Variants in TENM2 observed in about 807,000 individuals in gnomAD.
TENM2 encodes the protein teneurin-2.
TENM2 carries 52 observed loss-of-function variants against 245.2 expected under a neutral mutation model. That is an observed-to-expected ratio of 0.21 (90% CI 0.17 to 0.27). The LOEUF (loss-of-function observed/expected upper bound fraction) is 0.27, where lower values mean the gene tolerates loss of function less well. TENM2 is among the 10% of genes least tolerant of loss of function. The pLI is 1.00. For synonymous variants in TENM2, 1,363 were observed against 1,438.9 expected (o/e 0.95, Z 1.19); for missense variants, 3,046 against 3,666.8 (o/e 0.83, Z 4.37).
At chr5:167,398,476 G>A (rs1762197105) in intron 2 of TENM2, among the ~76,000 whole-genome samples, 1 of 147,966 alleles carries the variant, frequency 6.8e-6, no homozygotes, top group Non-Finnish European at 1.5e-5. Flanking sequence ...TGTTGTGCAG[G>A]CTGGAATGGA....
At chr5:167,100,079 G>C in the TENM2 span, among the ~76,000 whole-genome samples, 1 of 152,200 alleles carries the variant, frequency 6.6e-6, no homozygotes, top group African/African-American at 2.4e-5. Flanking sequence ...ATTCAGTTCT[G>C]ACAATTTAAA....
chr5:167,090,900 A>G, the TENM2 span, among the ~76,000 whole-genome samples: 1 of 152,150 alleles, frequency 6.6e-6, no homozygotes, highest in African/African-American at 2.4e-5. Flanking sequence ...CTTTATAATG[A>G]AACCCCAGTC....
chr5:167,452,590 T>C lies in TENM2; in HGVS notation c.502+77117T>C, dbSNP rs139708115. 1.3e-4 allele frequency among the ~76,000 whole-genome samples: 20 copies of C among 152,182 alleles called. No homozygotes were observed. In the East Asian group the frequency reaches 3.9e-3, roughly 30 times the overall value. ...ATTGGAAAGGAGAACTGAATGTATGTCTTTCTCAAAATGGCCTTCCTGGGT... is the reference window on the plus strand; with the variant it reads ...ATTGGAAAGGAGAACTGAATGTATGCCTTTCTCAAAATGGCCTTCCTGGGT... On this transcript the variant is annotated intron_variant, in intron 2 of 28. Transcript: ENST00000518659.
At chr5:167,241,076 T>C in the TENM2 span, among the ~76,000 whole-genome samples, 2 of 152,198 alleles carry the variant, frequency 1.3e-5, no homozygotes, top group Non-Finnish European at 2.9e-5. Context: ...CGTTTACATT[T>C]TCCTTATTAT....
At chr5:167,170,503 A>G in the TENM2 span, among the ~76,000 whole-genome samples, 1 of 152,102 alleles carries the variant, frequency 6.6e-6, no homozygotes. Flanking sequence ...ATCACTAAAA[A>G]CTTATTTGCC....
At chr5:168,187,985 C>A (rs972992295) in intron 13 of TENM2, among the ~76,000 whole-genome samples, 1 of 152,096 alleles carries the variant, frequency 6.6e-6, no homozygotes, top group African/African-American at 2.4e-5. Context: ...AAATGTGTTA[C>A]GAGGCACATG....
At chr5:167,175,959 C>T in the TENM2 span, among the ~76,000 whole-genome samples, 3 of 152,210 alleles carry the variant, frequency 2.0e-5, no homozygotes, top group African/African-American at 7.2e-5. Flanking sequence ...ATCCACCCAC[C>T]TTGGCCTCCC....
intron 13 of TENM2, among the ~76,000 whole-genome samples, chr5:168,182,880 G>A (rs10078128): frequency 0.17 from 24,752 of 145,752 alleles, 4,083 homozygotes; most frequent in African/African-American, 0.42. Flanking sequence ...ACCCAGCCTG[G>A]AGTGCAGTGA....
the TENM2 span, among the ~76,000 whole-genome samples, chr5:167,252,544 T>C: frequency 7.2e-5 from 11 of 152,072 alleles, no homozygotes; most frequent in Non-Finnish European, 1.3e-4. Flanking sequence ...TGCAGGGAAA[T>C]GAACACACAG....
At chr5:167,154,832 A>G in the TENM2 span, among the ~76,000 whole-genome samples, 1 of 152,240 alleles carries the variant, frequency 6.6e-6, no homozygotes, top group Non-Finnish European at 1.5e-5. Flanking sequence ...GGGAAAAGTG[A>G]AGTACTACAT....
At chr5:167,826,820 G>A (rs1768008344) in intron 2 of TENM2, among the ~76,000 whole-genome samples, 1 of 152,244 alleles carries the variant, frequency 6.6e-6, no homozygotes, top group African/African-American at 2.4e-5. Flanking sequence ...GTGGTTAAAT[G>A]AGATCATGCA....
At chr5:167,730,110 C>T (rs926107938) in intron 2 of TENM2, among the ~76,000 whole-genome samples, 4 of 152,188 alleles carry the variant, frequency 2.6e-5, no homozygotes, top group Non-Finnish European at 4.4e-5. Context: ...AAAAATCCAT[C>T]GTCTTTGCAG....
chr5:167,177,572 T>C, the TENM2 span, among the ~76,000 whole-genome samples: 1 of 152,218 alleles, frequency 6.6e-6, no homozygotes. Context: ...AATAGATTAA[T>C]GAGAAGTGCC....
In TENM2 at chr5:167,569,427, G is replaced by A. The variant is rs73801287; in HGVS notation, c.502+193954G>A. Among the ~76,000 whole-genome samples, 786 of 152,114 alleles carry A rather than the reference G, an allele frequency of 5.2e-3. 6 individuals are homozygous for A. The highest frequency in any genetic ancestry group is 0.018 in the African/African-American group (743 of 41,504). On this transcript the variant is annotated intron_variant, in intron 2 of 28. Coordinates refer to ENST00000518659, the Ensembl canonical transcript of TENM2. Reference sequence around the variant, plus strand: ...AATTTAAACATATATGGAAGAACGGGGCACAAACCAGAAAAGCCAAGTAAT... The same window carrying A: ...AATTTAAACATATATGGAAGAACGGAGCACAAACCAGAAAAGCCAAGTAAT...
chr5:167,419,215 A>G (rs1254107611), intron 2 of TENM2, among the ~76,000 whole-genome samples: 1 of 151,992 alleles, frequency 6.6e-6, no homozygotes, highest in Non-Finnish European at 1.5e-5. Flanking sequence ...TAATTCCAGC[A>G]CTTTGGGAGG....
At chr5:167,565,076 A>G (rs1773826311) in intron 2 of TENM2, among the ~76,000 whole-genome samples, 1 of 152,260 alleles carries the variant, frequency 6.6e-6, no homozygotes, top group East Asian at 1.9e-4. Context: ...AGAAATGGTG[A>G]TAGACTGCAA....
the TENM2 span, among the ~76,000 whole-genome samples, chr5:167,139,413 C>A: frequency 6.6e-6 from 1 of 152,154 alleles, no homozygotes; most frequent in Non-Finnish European, 1.5e-5. Flanking sequence ...GATCTATATT[C>A]CCTTAAATTG....
At chr5:167,478,258 C>T (rs1375916070) in intron 2 of TENM2, among the ~76,000 whole-genome samples, 2 of 152,168 alleles carry the variant, frequency 1.3e-5, no homozygotes, top group African/African-American at 4.8e-5. Context: ...TCTGTTTCCT[C>T]ATCTTCTTTT....
At chr5:167,375,326 A>G (rs1186565549) in exon 2 of TENM2, 20 of 1,551,538 alleles carry the variant, frequency 1.3e-5, no homozygotes, top group Non-Finnish European at 1.7e-5. Context: ...CGACTCCGAC[A>G]CCGAGGGAGG....
Sources: allele counts gnomAD v4.1 joint callset (sites outside exome capture counted in the v4.1 genomes callset), GRCh38; gene constraint gnomAD v4.1.1; transcripts MANE v1.5; gene names NCBI Gene and HGNC (gene_info 2026-07-23, HGNC 2026-07-21).